PARD3B: variants seen among roughly 807,000 people sequenced by gnomAD.
PARD3B encodes par-3 family cell polarity regulator beta, also known as partitioning defective 3 homolog B.
PARD3B carries 103 observed loss-of-function variants against 130.2 expected under a neutral mutation model. That is an observed-to-expected ratio of 0.79 (90% confidence interval 0.67 to 0.93). PARD3B has a LOEUF of 0.93. Among genes scored for constraint, PARD3B ranks in the 40% least tolerant of loss-of-function variants. PARD3B has a pLI of 0.00. For synonymous variants in PARD3B, 583 were observed against 553.2 expected, an observed-to-expected ratio of 1.05 and a Z score of -0.76; for missense variants, 1,609 against 1,499.2, an observed-to-expected ratio of 1.07 and a Z score of -1.21.
chr2:204,820,181 T>C (rs979448309), intron 2 of PARD3B, among the ~76,000 whole-genome samples: 2 of 149,398 alleles, frequency 1.3e-5, no homozygotes, highest in Non-Finnish European at 3.0e-5. Context: ...GTTCAAGTGA[T>C]TCTCCTGCCT....
intron 22 of PARD3B, among the ~76,000 whole-genome samples, chr2:205,588,386 C>A (rs1348669189): frequency 6.6e-6 from 1 of 152,154 alleles, no homozygotes; most frequent in African/African-American, 2.4e-5. Flanking sequence ...TTCCACAGCA[C>A]ACTTTTCTTA....
intron 2 of PARD3B, among the ~76,000 whole-genome samples, chr2:204,731,919 C>A (rs1397221571): frequency 1.3e-5 from 2 of 151,978 alleles, no homozygotes; most frequent in Non-Finnish European, 2.9e-5. Flanking sequence ...CTCTCTAACA[C>A]CCGTTTTAGC....
intron 15 of PARD3B, among the ~76,000 whole-genome samples, chr2:205,217,868 G>GTGTGTA (rs1257485560): frequency 8.5e-5 from 4 of 47,146 alleles, no homozygotes; most frequent in Admixed American, 3.4e-4. Flanking sequence ...GTGTGTGTGT[G>GTGTGTA]TATATATATA....
chr2:205,275,271 T>C (rs1314654615), intron 16 of PARD3B, among the ~76,000 whole-genome samples: 1 of 151,644 alleles, frequency 6.6e-6, no homozygotes, highest in Admixed American at 6.6e-5. Context: ...GAAAATACAA[T>C]TAACAGTTTG....
chr2:204,577,965 A>T (rs532418091), intron 1 of PARD3B, among the ~76,000 whole-genome samples: 2 of 152,316 alleles, frequency 1.3e-5, no homozygotes, highest in South Asian at 4.1e-4. Flanking sequence ...GACATTGTGC[A>T]ATGTCTAGAG....
intron 2 of PARD3B, among the ~76,000 whole-genome samples, chr2:204,738,798 A>T (rs2039870391): frequency 6.6e-6 from 1 of 151,898 alleles, no homozygotes; most frequent in Admixed American, 6.6e-5. Context: ...GCAACATCTG[A>T]TTTTTTTTCT....
At chr2:204,786,201 G>A (rs1057069103) in intron 2 of PARD3B, among the ~76,000 whole-genome samples, 9 of 151,908 alleles carry the variant, frequency 5.9e-5, no homozygotes, top group South Asian at 2.1e-4. Flanking sequence ...ATATGAGGAC[G>A]AGGTTATGCA....
At chr2:204,897,876 T>TA (rs111448626) in intron 2 of PARD3B, among the ~76,000 whole-genome samples, 16,533 of 135,704 alleles carry the variant, frequency 0.12, 1,220 homozygotes, top group African/African-American at 0.23. Context: ...ACCTTTAAAG[T>TA]AAAAAAAAAA....
At chr2:204,979,787 T>C (rs1306721345) in intron 3 of PARD3B, among the ~76,000 whole-genome samples, 2 of 152,144 alleles carry the variant, frequency 1.3e-5, no homozygotes, top group African/African-American at 4.8e-5. Context: ...AATATCTATA[T>C]AGAAAAAAAT....
At position 205,229,124 on chromosome 2, in the gene PARD3B, C is replaced by T. The variant is rs565265295; in HGVS notation, c.2141-16654C>T. ...TGGGTCACTTGTGCCTTATTTAGTTCGTTTGGTGAAGTCATGTTTTCCTGG... is the reference window on the plus strand; with the variant it reads ...TGGGTCACTTGTGCCTTATTTAGTTTGTTTGGTGAAGTCATGTTTTCCTGG... On this transcript the variant is annotated intron_variant, in intron 15 of 22. Coordinates refer to ENST00000406610, the MANE Select transcript of PARD3B (RefSeq NM_001302769.2). The surrounding 1 kb of genome is among the most constrained non-coding windows in gnomAD (Gnocchi z 5.2). Among the ~76,000 whole-genome samples the T allele has an allele frequency of 6.6e-6, 1 of 152,242 alleles. No individual in the cohort carries two copies. Among genetic ancestry groups the T allele is most frequent in the Non-Finnish European group, 1.5e-5 (1 of 68,018 alleles).
At chr2:204,608,817 T>C (rs1187375494) in intron 1 of PARD3B, among the ~76,000 whole-genome samples, 1 of 152,186 alleles carries the variant, frequency 6.6e-6, no homozygotes, top group Non-Finnish European at 1.5e-5. Flanking sequence ...GGTTTTAGTC[T>C]TTAAGTTTCT....
chr2:205,410,817 A>C (rs1277038509), intron 19 of PARD3B, among the ~76,000 whole-genome samples: 2 of 152,088 alleles, frequency 1.3e-5, no homozygotes, highest in African/African-American at 4.8e-5. Context: ...AGTGTAGTTA[A>C]TGTTCACATA....
Position 205,300,660 on chromosome 2 carries a change from T to G in PARD3B, c.2316T>G (p.Val772=), listed in dbSNP as rs757437319. ...LPFHRPRPHM[V]RGRGCNESFR... Reference sequence around the variant, plus strand: ...TTCACAGGCCCCGGCCGCACATGGTTCGAGGCCGAGGCTGCAATGAGAGCT... The same window carrying G: ...TTCACAGGCCCCGGCCGCACATGGTGCGAGGCCGAGGCTGCAATGAGAGCT... The change falls in exon 17 of 23, where the codon GTT becomes GTG. Residue 772 remains valine (V), a synonymous_variant. Transcript: ENST00000406610. This position sits in a 1 kb window ranked among gnomAD's most constrained non-coding sequence, Gnocchi z 4.1. 2 of 1,613,840 alleles carry G rather than the reference T, an allele frequency of 1.2e-6. No homozygotes were observed. The highest frequency in any genetic ancestry group is 2.7e-5 in the African/African-American group (2 of 74,912).
chr2:205,480,336 G>C (rs1395388018), intron 20 of PARD3B, among the ~76,000 whole-genome samples: 1 of 152,158 alleles, frequency 6.6e-6, no homozygotes, highest in Admixed American at 6.5e-5. Context: ...TCAGACCTTA[G>C]ATTAAAAGAA....
At chr2:204,750,608 A>G (rs1043698122) in intron 2 of PARD3B, among the ~76,000 whole-genome samples, 2 of 150,140 alleles carry the variant, frequency 1.3e-5, no homozygotes, top group East Asian at 3.9e-4. Flanking sequence ...ATACATACAT[A>G]CATACATACA....
chr2:205,333,780 C>A (rs1400057261), intron 18 of PARD3B, among the ~76,000 whole-genome samples: 7 of 152,084 alleles, frequency 4.6e-5, no homozygotes, highest in Non-Finnish European at 8.8e-5. Flanking sequence ...ACTAGAAGGG[C>A]CACTAGATCT....
intron 18 of PARD3B, among the ~76,000 whole-genome samples, chr2:205,368,868 A>T (rs915602016): frequency 6.6e-6 from 1 of 152,054 alleles, no homozygotes; most frequent in Non-Finnish European, 1.5e-5. Flanking sequence ...AACAAAAAAA[A>T]AAAAAACACC....
chr2:205,300,514 G>A lies in PARD3B; in HGVS notation c.2186-16G>A. The A allele has an allele frequency of 6.2e-7, 1 of 1,601,272 alleles. No homozygotes were observed. The highest frequency in any genetic ancestry group is 1.3e-5 in the African/African-American group (1 of 74,722). ...CCCATTAGAAGAGGGGTGACCTTTT[G>A]CCCTTTCTTTTCCAGAATCTCCAAG... On this transcript the variant is annotated splice_polypyrimidine_tract_variant and intron_variant, in intron 16 of 22. Coordinates refer to ENST00000406610, the MANE Select transcript of PARD3B (RefSeq NM_001302769.2). This position sits in a 1 kb window ranked among gnomAD's most constrained non-coding sequence, Gnocchi z 4.1.
intron 16 of PARD3B, among the ~76,000 whole-genome samples, chr2:205,289,519 G>A (rs913373821): frequency 3.3e-5 from 5 of 152,164 alleles, no homozygotes; most frequent in African/African-American, 1.2e-4. Flanking sequence ...GGCACTGAGA[G>A]GTAAGAGCCT....
Sources: gnomAD v4.1 joint callset for allele counts (sites outside exome capture counted in the v4.1 genomes callset) on GRCh38, gnomAD v4.1.1 for gene constraint, Gnocchi (gnomAD v3.1) non-coding constraint, MANE v1.5 for transcripts, NCBI Gene and HGNC (gene_info 2026-07-23, HGNC 2026-07-21) for gene names.